SACS: variants seen among roughly 807,000 people sequenced by gnomAD.
The protein encoded by SACS is sacsin.
Under a neutral mutation model 348.0 loss-of-function variants are expected in SACS, and 197 were observed. That is an observed-to-expected ratio of 0.57 (90% CI 0.50 to 0.64). The LOEUF is 0.64. Ranked by LOEUF, SACS falls within the 30% of genes least tolerant of loss-of-function variation. The pLI, the probability that SACS is intolerant of heterozygous loss-of-function variation, is 0.00. For synonymous variants in SACS, 1,985 were observed against 1,910.6 expected (o/e 1.04, Z -1.02); for missense variants, 4,999 against 5,360.8 (o/e 0.93, Z 2.11).
intron 6 of SACS, among the ~76,000 whole-genome samples, chr13:23,361,574 C>G (rs1023610944): frequency 2.6e-5 from 4 of 152,112 alleles, no homozygotes; most frequent in Non-Finnish European, 4.4e-5. Context: ...GTCAGGAATT[C>G]GAGACCAGCC....
Position 23,336,545 on chromosome 13 carries a change from C to T in SACS, c.7331G>A (p.Cys2444Tyr), listed in dbSNP as rs757062222. 2.5e-6 allele frequency: 4 copies of T among 1,613,810 alleles called. No homozygotes were observed. The highest frequency in any genetic ancestry group is 3.4e-6 in the Non-Finnish European group (4 of 1,179,846). Residue 2444 changes from cysteine (C) to tyrosine (Y), a missense_variant, in exon 10 of 10, where the codon TGT (cysteine) becomes TAT (tyrosine). Around this residue, in one of 6 missense-constraint regions of SACS, gnomAD observed 3,156 missense variants for 3,380.1 expected, o/e 0.93. Coordinates refer to ENST00000382292, the MANE Select transcript of SACS (RefSeq NM_014363.6). ...TAATATCTTGCCATAATTTTTCTCACAAAATTCTTGTTTCTTTTCTCTAAT... is the reference window on the plus strand; with the variant it reads ...TAATATCTTGCCATAATTTTTCTCATAAAATTCTTGTTTCTTTTCTCTAAT... ...SLIREKKQEF[C>Y]EKNYGKILLP...
In SACS at chr13:23,368,855, T is replaced by C. The variant is rs147670066; in HGVS notation, c.260-368A>G. On this transcript the variant is annotated intron_variant, in intron 4 of 9. Transcript: ENST00000382292. ...CTGGGACTACAGGTGCCCACCACCA[T>C]GCCCAGCTAATTTTTTTGTATTTTT... Among the ~76,000 whole-genome samples, 1,017 of 152,078 alleles carry C rather than the reference T, an allele frequency of 6.7e-3. 12 individuals carry two copies. The highest frequency in any genetic ancestry group is 0.023 in the African/African-American group (952 of 41,486).
chr13:23,333,233 AAAACTCTCACAGTTCTATC>A lies in SACS; in HGVS notation c.10624_10642del (p.Asp3542LeufsTer23). On this transcript the variant is annotated frameshift_variant, in exon 10 of 10. Coordinates refer to ENST00000382292, the MANE Select transcript of SACS (RefSeq NM_014363.6). LOFTEE classifies it high-confidence loss of function. Reference sequence around the variant, plus strand: ...CAATTTTTCAGGAAGCATAACTTCAAAAACTCTCACAGTTCTATCATAGAAATGCTTTGCTTGCTTTAGT... The same window carrying A: ...CAATTTTTCAGGAAGCATAACTTCAAATAGAAATGCTTTGCTTGCTTTAGT... The A allele has an allele frequency of 6.3e-7, 1 of 1,598,994 alleles. No individual in the cohort carries two copies. Among genetic ancestry groups the A allele is most frequent in the Non-Finnish European group, 8.5e-7 (1 of 1,173,876 alleles).
At chr13:23,420,507 G>A (rs937248285) in intron 1 of SACS, among the ~76,000 whole-genome samples, 2 of 152,162 alleles carry the variant, frequency 1.3e-5, no homozygotes, top group Non-Finnish European at 2.9e-5. Flanking sequence ...AGTCTACCTA[G>A]AATCCAGTGT....
At chr13:23,421,168 C>T (rs1243317494) in intron 1 of SACS, among the ~76,000 whole-genome samples, 1 of 152,060 alleles carries the variant, frequency 6.6e-6, no homozygotes, top group East Asian at 1.9e-4. Flanking sequence ...TGATATCCAC[C>T]TGTGGCTTCC....
chr13:23,409,420 G>T (rs180886686), intron 2 of SACS, among the ~76,000 whole-genome samples: 1 of 134,724 alleles, frequency 7.4e-6, no homozygotes, highest in African/African-American at 2.8e-5. Flanking sequence ...GCAATGGCAC[G>T]ATCTTGGCTC....
chr13:23,399,056 A>C (rs1215667159), intron 2 of SACS, among the ~76,000 whole-genome samples: 4 of 147,182 alleles, frequency 2.7e-5, no homozygotes, highest in Admixed American at 6.9e-5. Context: ...CCTGGCTCTT[A>C]GTTAATTATT....
intron 2 of SACS, among the ~76,000 whole-genome samples, chr13:23,381,355 G>GCACACACACACA (rs71100174): frequency 0.016 from 2,274 of 140,024 alleles, 32 homozygotes; most frequent in Middle Eastern, 0.039. Flanking sequence ...GCAGCACGAA[G>GCACACACACACA]CACACACACA....
At chr13:23,350,649 C>T (rs1172589433) in intron 9 of SACS, among the ~76,000 whole-genome samples, 1 of 152,110 alleles carries the variant, frequency 6.6e-6, no homozygotes, top group East Asian at 1.9e-4. Flanking sequence ...AAACAGAATT[C>T]CATAGTGCTC....
intron 1 of SACS, among the ~76,000 whole-genome samples, chr13:23,424,472 C>A (rs1461304782): frequency 6.6e-6 from 1 of 151,870 alleles, no homozygotes; most frequent in Non-Finnish European, 1.5e-5. Context: ...TTGCAGCGAG[C>A]CGAGATCACG....
chr13:23,342,535 C>T lies in SACS; in HGVS notation c.2186-845G>A, dbSNP rs534784150. 3.9e-5 allele frequency among the ~76,000 whole-genome samples: 6 copies of T among 152,336 alleles called. No individual in the cohort carries two copies. The South Asian group carries it at 1.2e-3, about 32-fold the overall frequency. On this transcript the variant is annotated intron_variant, in intron 9 of 9. Transcript: ENST00000382292. ...ATTTACATTGTACTTACCAGTTGAGCATTCCAAATCCAAAAAATCTGAAAT... is the reference window on the plus strand; with the variant it reads ...ATTTACATTGTACTTACCAGTTGAGTATTCCAAATCCAAAAAATCTGAAAT...
chr13:23,368,498 G>A lies in SACS; in HGVS notation c.260-11C>T, dbSNP rs770353605. ...TCTGACCAAATCGACCTAAAATACG[G>A]AGCACATTTTAAGTGAGTTAGAAAA... On this transcript the variant is annotated splice_polypyrimidine_tract_variant and intron_variant, in intron 4 of 9. Transcript: ENST00000382292. 3 of 1,604,414 alleles carry A rather than the reference G, an allele frequency of 1.9e-6. No individual in the cohort carries two copies. The highest frequency in any genetic ancestry group is 1.3e-5 in the African/African-American group (1 of 74,744).
chr13:23,413,935 G>T (rs867938714), intron 1 of SACS, among the ~76,000 whole-genome samples: 2 of 152,172 alleles, frequency 1.3e-5, no homozygotes, highest in African/African-American at 2.4e-5. Context: ...TTGGACTCCA[G>T]TTTGAAATGT....
rs1238606214 is a variant in SACS at position 23,354,640 on chromosome 13, G to A, written c.1972C>T (p.Gln658Ter). The A allele has an allele frequency of 6.2e-7, 1 of 1,614,188 alleles. No individual in the cohort carries two copies. ...LHLLEFVLSD[Q>*]AYSELLGLEL... Reference sequence around the variant, plus strand: ...AGCCCAAGCAGCTCACTGTAGGCTTGGTCAGAAAGCACAAATTCTAGAAGG... The same window carrying A: ...AGCCCAAGCAGCTCACTGTAGGCTTAGTCAGAAAGCACAAATTCTAGAAGG... Residue 658 changes from glutamine (Q) to a stop codon, truncating the protein, a stop_gained, in exon 8 of 10, where the codon CAA (glutamine) becomes TAA (stop). Transcript: ENST00000382292. LOFTEE classifies it high-confidence loss of function.
Position 23,332,788 on chromosome 13 carries a change from T to G in SACS, c.11088A>C (p.Val3696=), listed in dbSNP as rs1468711027. The change falls in exon 10 of 10, where the codon GTA becomes GTC. Residue 3696 remains valine, a synonymous_variant. Coordinates refer to ENST00000382292, the MANE Select transcript of SACS (RefSeq NM_014363.6). ...GGCAGGATGTCCATAACAGCTGGAG[T>G]ACATCACATTGCTTGAATTTTGGAT... is the stretch of plus-strand genomic sequence containing the variant. The part of the protein sequence containing the change: ...QVNPKFKQCD[V]LQLLWTSCPI... 6.2e-7 allele frequency: 1 copy of G among 1,613,786 alleles called. No homozygotes were observed. The highest frequency in any genetic ancestry group is 8.5e-7 in the Non-Finnish European group (1 of 1,179,954).
intron 2 of SACS, among the ~76,000 whole-genome samples, chr13:23,378,043 G>A (rs1412942038): frequency 1.8e-4 from 27 of 152,186 alleles, no homozygotes; most frequent in Admixed American, 1.8e-3. Context: ...ACATGCTTTG[G>A]GAAATGAGGT....
At chr13:23,388,099 T>C (rs887922447) in intron 2 of SACS, among the ~76,000 whole-genome samples, 2 of 152,058 alleles carry the variant, frequency 1.3e-5, no homozygotes, top group Non-Finnish European at 2.9e-5. Flanking sequence ...CTACGGGGTA[T>C]CCACCCAAAA....
Position 23,329,293 on chromosome 13 carries a change from T to G in SACS, c.*843A>C. ...GCAGCACCTTTAGACAACAAAAGAT[T>G]GCATCCTGTTCAACCACACTATATA... On this transcript the variant is annotated 3_prime_UTR_variant, in exon 10 of 10. Transcript: ENST00000382292. The G allele has an allele frequency of 1.7e-6, 1 of 594,552 alleles. No homozygotes were observed. The highest frequency in any genetic ancestry group is 3.0e-6 in the Non-Finnish European group (1 of 334,788). The allele number at this position is 594,552 out of a possible 1,614,324, so 36.8% of individuals were successfully genotyped here.
At chr13:23,404,351 G>A (rs137860435) in intron 2 of SACS, among the ~76,000 whole-genome samples, 310 of 152,202 alleles carry the variant, frequency 2.0e-3, no homozygotes, top group African/African-American at 7.1e-3. Flanking sequence ...ATGCAGAAAA[G>A]GCCTTTGATA....
Sources: allele counts gnomAD v4.1 joint callset (sites outside exome capture counted in the v4.1 genomes callset), GRCh38; gene constraint gnomAD v4.1.1; regional missense constraint gnomAD v4.1.1; transcripts MANE v1.5; gene names NCBI Gene and HGNC (gene_info 2026-07-23, HGNC 2026-07-21).